Variants in ASPH observed in about 807,000 individuals in gnomAD.
ASPH encodes aspartate beta-hydroxylase.
A neutral mutation model predicts 118.4 loss-of-function variants in ASPH; 100 were observed. That is an observed-to-expected ratio of 0.84 (90% CI 0.72 to 1.00). The LOEUF (loss-of-function observed/expected upper bound fraction) is 1.00. Ranked by LOEUF, ASPH falls within the 50% of genes least tolerant of loss-of-function variation. The pLI is 0.00. For missense variants in ASPH, 920 were observed against 919.5 expected, an observed-to-expected ratio of 1.00 and a Z score of -0.01; for synonymous variants, 315 against 325.6, an observed-to-expected ratio of 0.97 and a Z score of 0.35.
Position 61,664,576 on chromosome 8 carries a change from T to A in ASPH, c.323-10916A>T, listed in dbSNP as rs999961369. 7 of 984,664 alleles carry A rather than the reference T, an allele frequency of 7.1e-6. No homozygotes were observed. The African/African-American group carries it at 1.1e-4, about 15-fold the overall frequency. 61.0% of individuals were successfully genotyped at this position (984,664 alleles called of 1,614,324 possible). On this transcript the variant is annotated intron_variant, in intron 3 of 24. Transcript: ENST00000379454. ...GAGGTTGTTGTAGGGAGGTCAGGAG[T>A]GAGAAGCATGCAGGAGTGAGGGGCA... is the stretch of plus-strand genomic sequence containing the variant.
intron 24 of ASPH, among the ~76,000 whole-genome samples, chr8:61,507,221 A>C (rs1255856185): frequency 3.9e-5 from 6 of 152,250 alleles, no homozygotes; most frequent in Non-Finnish European, 1.5e-5. Flanking sequence ...AGTAGAACTT[A>C]AGAACCACAG....
At chr8:61,579,133 C>T (rs1294778439) in intron 15 of ASPH, 4 of 1,611,368 alleles carry the variant, frequency 2.5e-6, no homozygotes, top group Non-Finnish European at 2.5e-6. Context: ...CGCACAAAGA[C>T]TGAGATCTCT....
At chr8:61,668,305 T>C in intron 3 of ASPH, 1 of 1,570,966 alleles carries the variant, frequency 6.4e-7, no homozygotes. Context: ...GAAAATAGGT[T>C]ATAAACAGAA....
chr8:61,709,758 T>A (rs1245336171), intron 1 of ASPH, among the ~76,000 whole-genome samples: 1 of 152,224 alleles, frequency 6.6e-6, no homozygotes, highest in Non-Finnish European at 1.5e-5. Flanking sequence ...TGGCTGGAGT[T>A]ACCTCAAAAG....
intron 15 of ASPH, chr8:61,579,066 C>A (rs1836436368): frequency 6.2e-7 from 1 of 1,610,946 alleles, no homozygotes; most frequent in Non-Finnish European, 8.5e-7. Flanking sequence ...GAGCATGTAC[C>A]AGATCAAGTA....
intron 17 of ASPH, among the ~76,000 whole-genome samples, chr8:61,564,406 C>T (rs931079766): frequency 4.7e-5 from 7 of 149,650 alleles, no homozygotes; most frequent in African/African-American, 1.7e-4. Context: ...TCAAGTGATT[C>T]TCCTGCCTCA....
At chr8:61,665,394 TG>T in intron 3 of ASPH, 1 of 1,613,584 alleles carries the variant, frequency 6.2e-7, no homozygotes, top group African/African-American at 1.3e-5. Context: ...CTATTTTCCT[TG>T]GTTTTAGCAC....
At chr8:61,522,988 C>T (rs1813707251) in intron 22 of ASPH, among the ~76,000 whole-genome samples, 2 of 152,116 alleles carry the variant, frequency 1.3e-5, no homozygotes, top group Non-Finnish European at 2.9e-5. Flanking sequence ...CAGTTCAGTC[C>T]ATAGAAGAGA....
At position 61,518,351 on chromosome 8, in the gene ASPH, C is replaced by T. The variant is rs183574989; in HGVS notation, c.1901-228G>A. 5.3e-5 allele frequency among the ~76,000 whole-genome samples: 8 copies of T among 152,186 alleles called. No individual in the cohort carries two copies. The East Asian group carries it at 1.5e-3, about 29-fold the overall frequency. On this transcript the variant is annotated intron_variant, in intron 22 of 24. Transcript: ENST00000379454. Reference sequence around the variant, plus strand: ...GGTAGTGACTGGCAGAGCAGGGATCCAAATTCTTCACTCGGTGTTGGACTA... The same window carrying T: ...GGTAGTGACTGGCAGAGCAGGGATCTAAATTCTTCACTCGGTGTTGGACTA...
intron 3 of ASPH, chr8:61,658,376 A>C (rs1188214074): frequency 1.3e-5 from 2 of 152,256 alleles, no homozygotes; most frequent in African/African-American, 4.8e-5. Flanking sequence ...GGTTCCCAAG[A>C]GCCTGGTTTC....
At chr8:61,587,923 C>A (rs775182482) in intron 14 of ASPH, among the ~76,000 whole-genome samples, 2 of 152,030 alleles carry the variant, frequency 1.3e-5, no homozygotes, top group Non-Finnish European at 2.9e-5. Context: ...GGGACCCTGG[C>A]GAACTCTCTC....
intron 3 of ASPH, among the ~76,000 whole-genome samples, chr8:61,666,289 T>A (rs866797489): frequency 6.6e-6 from 1 of 152,162 alleles, no homozygotes; most frequent in African/African-American, 2.4e-5. Flanking sequence ...TTCTAGTTCA[T>A]TGGGTTGAGA....
chr8:61,590,832 T>C (rs1840900766), intron 14 of ASPH, among the ~76,000 whole-genome samples: 1 of 152,172 alleles, frequency 6.6e-6, no homozygotes, highest in African/African-American at 2.4e-5. Context: ...TTTCCTTTAT[T>C]TCTACCAAAG....
Position 61,567,190 on chromosome 8 carries a change from G to A in ASPH, c.1278C>T (p.Arg426=). ...TACCTAGAAATTGTTGCCTGTCTGA[G>A]CGACGCTTCAAACTCAGCTTCAGCA... is the stretch of plus-strand genomic sequence containing the variant. The part of the protein sequence containing the change: ...ADLLKLSLKR[R]SDRQQFLGHM... The change falls in exon 17 of 25, where the codon CGC becomes CGT. Residue 426 remains arginine, a synonymous_variant. Transcript: ENST00000379454. The A allele has an allele frequency of 6.2e-7, 1 of 1,613,804 alleles. No homozygotes were observed. The highest frequency in any genetic ancestry group is 1.7e-4 in the Middle Eastern group (1 of 6,060).
intron 1 of ASPH, among the ~76,000 whole-genome samples, chr8:61,710,171 A>G (rs1396816917): frequency 6.6e-6 from 1 of 152,246 alleles, no homozygotes; most frequent in Non-Finnish European, 1.5e-5. Context: ...AAAAGAAAGT[A>G]GATAATAATT....
At position 61,630,277 on chromosome 8, in the gene ASPH, A is replaced by G. The variant is rs560507674; in HGVS notation, c.934+3406T>C. On this transcript the variant is annotated intron_variant, in intron 13 of 24. Transcript: ENST00000379454. Reference sequence around the variant, plus strand: ...ATTCAGCACTTTGCAGAAGTCCTCAATTTGAGTCTTCCACTGAATAAAAGA... The same window carrying G: ...ATTCAGCACTTTGCAGAAGTCCTCAGTTTGAGTCTTCCACTGAATAAAAGA... Among the ~76,000 whole-genome samples, 157 of 152,310 alleles carry G rather than the reference A, an allele frequency of 1.0e-3. 3 individuals carry two copies. In the South Asian group the frequency reaches 0.032, roughly 31 times the overall value.
At chr8:61,647,806 C>A (rs1482396757) in intron 5 of ASPH, among the ~76,000 whole-genome samples, 1 of 152,228 alleles carries the variant, frequency 6.6e-6, no homozygotes, top group Non-Finnish European at 1.5e-5. Context: ...AAGATGCCCA[C>A]TTTCTCTTCT....
At chr8:61,626,165 G>A (rs13249459) in intron 13 of ASPH, 1 of 1,282,942 alleles carries the variant, frequency 7.8e-7, no homozygotes, top group Non-Finnish European at 9.9e-7. Context: ...CCTTCCCAAA[G>A]ATCTTGATCT....
intron 10 of ASPH, among the ~76,000 whole-genome samples, chr8:61,640,447 C>T (rs746050643): frequency 2.0e-5 from 3 of 152,176 alleles, no homozygotes; most frequent in Admixed American, 2.0e-4. Context: ...TGCAAGTTCA[C>T]GTCAGAGACC....
Sources: gnomAD v4.1 joint callset for allele counts (sites outside exome capture counted in the v4.1 genomes callset) on GRCh38, gnomAD v4.1.1 for gene constraint, MANE v1.5 for transcripts, NCBI Gene and HGNC (gene_info 2026-07-23, HGNC 2026-07-21) for gene names.